Variants in GTF2A1 observed in about 807,000 individuals in gnomAD.
The protein encoded by GTF2A1 is general transcription factor IIA subunit 1.
A neutral mutation model predicts 54.1 loss-of-function variants in GTF2A1; 12 were observed. The ratio of observed to expected loss-of-function variants is 0.22; its 90% confidence interval spans 0.14 to 0.36. The LOEUF (loss-of-function observed/expected upper bound fraction) is 0.36, where lower values mean the gene tolerates loss of function less well. Ranked by LOEUF, GTF2A1 falls within the 10% of genes least tolerant of loss-of-function variation. The probability of loss-of-function intolerance (pLI) is 1.00; values close to 1 mark genes in which losing one functional copy is unlikely to be tolerated. For missense variants in GTF2A1, 335 were observed against 442.2 expected, an observed-to-expected ratio of 0.76 and a Z score of 2.17; for synonymous variants, 145 against 152.0, an observed-to-expected ratio of 0.95 and a Z score of 0.34.
At chr14:81,187,686 T>G (rs1892780244) in intron 7 of GTF2A1, among the ~76,000 whole-genome samples, 2 of 152,262 alleles carry the variant, frequency 1.3e-5, no homozygotes, top group South Asian at 4.1e-4. Context: ...CATATACGAA[T>G]ACTTCATTCT....
chr14:81,218,093 G>GT (rs1893525922), intron 1 of GTF2A1, among the ~76,000 whole-genome samples: 1 of 64,446 alleles, frequency 1.6e-5, no homozygotes, highest in African/African-American at 9.5e-5. Context: ...TCTATAAAGT[G>GT]CTTTTTTTTT....
chr14:81,209,678 T>C (rs1893318930), intron 2 of GTF2A1, among the ~76,000 whole-genome samples: 1 of 152,216 alleles, frequency 6.6e-6, no homozygotes. Flanking sequence ...TTGTACTCTA[T>C]TTTCTCACAG....
chr14:81,207,613 G>A (rs544798578), intron 2 of GTF2A1, among the ~76,000 whole-genome samples: 7 of 152,306 alleles, frequency 4.6e-5, no homozygotes, highest in South Asian at 2.1e-4. Flanking sequence ...AGGCTGGAAC[G>A]GTTTGGGGAG....
At position 81,179,157 on chromosome 14, in the gene GTF2A1, T is replaced by C. The variant is rs1176525201; in HGVS notation, c.*1066A>G. On this transcript the variant is annotated 3_prime_UTR_variant, in exon 9 of 9. Coordinates refer to ENST00000553612, the MANE Select transcript of GTF2A1 (RefSeq NM_015859.4). ...TTACAAAGTTGATTTTAAAAACTTG[T>C]TGAATTAGAATAGATTTTTAAAATT... 2 of 152,192 alleles carry C rather than the reference T, an allele frequency of 1.3e-5. No homozygotes were observed. The highest frequency in any genetic ancestry group is 2.9e-5 in the Non-Finnish European group (2 of 68,038). The allele number at this position is 152,192 out of a possible 1,614,324, so 9.4% of individuals were successfully genotyped here. A position where few individuals can be genotyped will look rare whatever the true frequency, so the allele number is the denominator to read the frequency against.
chr14:81,204,067 T>C lies in GTF2A1; in HGVS notation c.170A>G (p.Asp57Gly). ...CTGCTGCTCTTCTGAATGAAATCCA[T>C]CTACTGCCCTGGACTGCATTAGTTT... ...ENKLMQSRAV[D>G]GFHSEEQQLL... Residue 57 changes from aspartate to glycine, a missense_variant, in exon 3 of 9, where the codon GAT (aspartate) becomes GGT (glycine). Coordinates refer to ENST00000553612, the MANE Select transcript of GTF2A1 (RefSeq NM_015859.4). 6.2e-7 allele frequency: 1 copy of C among 1,613,780 alleles called. No individual in the cohort carries two copies.
chr14:81,182,993 T>C (rs920017905), intron 8 of GTF2A1, among the ~76,000 whole-genome samples: 2 of 152,200 alleles, frequency 1.3e-5, no homozygotes, highest in African/African-American at 2.4e-5. Flanking sequence ...AAACCAAACC[T>C]GTCCTCTTTC....
intron 3 of GTF2A1, among the ~76,000 whole-genome samples, chr14:81,203,462 T>C (rs1473263585): frequency 6.6e-6 from 1 of 152,160 alleles, no homozygotes; most frequent in African/African-American, 2.4e-5. Flanking sequence ...TAAAAACTAA[T>C]CTGAAACATG....
chr14:81,200,782 C>A (rs1218013163), intron 4 of GTF2A1, among the ~76,000 whole-genome samples: 8 of 150,658 alleles, frequency 5.3e-5, no homozygotes, highest in African/African-American at 1.9e-4. Context: ...TGAGTCACCA[C>A]TCAATGAAAT....
intron 3 of GTF2A1, 101 bp from the exon 4 acceptor site, chr14:81,201,759 TCATGTTTTC>T: frequency 1.3e-6 from 1 of 761,842 alleles, no homozygotes; most frequent in Admixed American, 2.1e-5. Flanking sequence ...TTCATGTTTT[TCATGTTTTC>T]TGCACTCAAA....
At chr14:81,193,310 G>A (rs1240014424) in intron 6 of GTF2A1, among the ~76,000 whole-genome samples, 1 of 151,892 alleles carries the variant, frequency 6.6e-6, no homozygotes, top group Non-Finnish European at 1.5e-5. Flanking sequence ...GGGACTACAG[G>A]TGCGCGCCAC....
intron 2 of GTF2A1, among the ~76,000 whole-genome samples, chr14:81,207,307 C>T (rs10140780): frequency 0.077 from 11,693 of 152,044 alleles, 1,524 homozygotes; most frequent in African/African-American, 0.27. Context: ...CTTTCCCACG[C>T]TATTCTCAGG....
chr14:81,219,332 C>G (rs553020613), intron 1 of GTF2A1, among the ~76,000 whole-genome samples: 60 of 152,302 alleles, frequency 3.9e-4, no homozygotes, highest in Non-Finnish European at 6.9e-4. Context: ...CTCGGGAGCA[C>G]GCACCTCCCA....
At chr14:81,188,702 G>T (rs969088555) in intron 7 of GTF2A1, among the ~76,000 whole-genome samples, 27 of 151,186 alleles carry the variant, frequency 1.8e-4, no homozygotes, top group Admixed American at 3.3e-4. Context: ...GTGTGAACCC[G>T]GGAGGCTGAG....
chr14:81,181,097 T>A (rs1435208369), intron 8 of GTF2A1, among the ~76,000 whole-genome samples: 1 of 152,186 alleles, frequency 6.6e-6, no homozygotes, highest in Non-Finnish European at 1.5e-5. Flanking sequence ...ACTATGTACA[T>A]CCACAGTTAA....
At chr14:81,206,543 T>C (rs181786331) in intron 2 of GTF2A1, among the ~76,000 whole-genome samples, 1 of 152,298 alleles carries the variant, frequency 6.6e-6, no homozygotes, top group East Asian at 1.9e-4. Context: ...CAATCTATCC[T>C]CTATAAATCA....
chr14:81,190,129 G>T (rs1206399456), intron 7 of GTF2A1, among the ~76,000 whole-genome samples: 1 of 151,794 alleles, frequency 6.6e-6, no homozygotes, highest in Admixed American at 6.6e-5. Context: ...TAAATATATA[G>T]AGAGTCCTAG....
At chr14:81,215,348 C>T (rs1893464236) in intron 2 of GTF2A1, among the ~76,000 whole-genome samples, 1 of 152,182 alleles carries the variant, frequency 6.6e-6, no homozygotes, top group Non-Finnish European at 1.5e-5. Context: ...TCACAGAATA[C>T]AACTTTTACT....
intron 6 of GTF2A1, among the ~76,000 whole-genome samples, chr14:81,195,053 T>TGG: frequency 6.7e-6 from 1 of 148,186 alleles, no homozygotes. Flanking sequence ...GGCAGGAGAA[T>TGG]CACTTGAACC....
chr14:81,199,408 C>T (rs770170192), intron 4 of GTF2A1, among the ~76,000 whole-genome samples: 2 of 152,050 alleles, frequency 1.3e-5, no homozygotes, highest in Admixed American at 6.5e-5. Flanking sequence ...AAAAAAGAAC[C>T]GAAAACAATG....
Sources: allele counts gnomAD v4.1 joint callset (sites outside exome capture counted in the v4.1 genomes callset), GRCh38; gene constraint gnomAD v4.1.1; transcripts MANE v1.5; gene names NCBI Gene and HGNC (gene_info 2026-07-23, HGNC 2026-07-21).